The following POU3F1 variants were observed in gnomAD, a reference collection of about 807,000 sequenced individuals.
POU3F1 encodes POU class 3 homeobox 1, also known as POU domain, class 3, transcription factor 1.
Under a neutral mutation model 7.6 loss-of-function variants are expected in POU3F1, and 1 was observed. The observed-to-expected ratio is 0.13, with a 90% confidence interval of 0.05 to 0.62. The LOEUF is 0.62. Ranked by LOEUF, POU3F1 falls within the 20% of genes least tolerant of loss-of-function variation. The probability of loss-of-function intolerance (pLI) is 0.87; values close to 1 mark genes in which losing one functional copy is unlikely to be tolerated. For synonymous variants in POU3F1, 354 were observed against 339.0 expected (o/e 1.04, Z -0.49); for missense variants, 505 against 679.3 (o/e 0.74, Z 2.85).
chr1:38,046,072 G>T lies in POU3F1; in HGVS notation c.672C>A (p.His224Gln). The change falls in exon 1 of 1, where the codon CAC (histidine) becomes CAA (glutamine). Residue 224 changes from histidine (H) to glutamine (Q), a missense_variant. Physicochemically the swap from His to Gln is conservative, Grantham distance 24 (BLOSUM62 0). Around this residue, in one of 5 missense-constraint regions of POU3F1, gnomAD observed 361 missense variants for 382.1 expected, o/e 0.94. Coordinates refer to ENST00000373012, the MANE Select transcript of POU3F1 (RefSeq NM_002699.4). This position sits in a 1 kb window ranked among gnomAD's most constrained non-coding sequence, Gnocchi z 9.5. ...AHGHAHAGGLHAAAAHLHPGA... is the reference protein window; with the variant it reads ...AHGHAHAGGLQAAAAHLHPGA... ...CCGGGTGCAGGTGCGCCGCCGCCGC[G>T]TGCAGGCCGCCCGCGTGTGCATGTC... 2 of 1,457,854 alleles carry T rather than the reference G, an allele frequency of 1.4e-6. No individual in the cohort carries two copies. The highest frequency in any genetic ancestry group is 1.4e-5 in the South Asian group (1 of 70,242). 90.3% of individuals were successfully genotyped at this position (1,457,854 alleles called of 1,614,324 possible).
At position 38,046,338 on chromosome 1, in the gene POU3F1, G is replaced by T; in HGVS notation, c.406C>A (p.His136Asn). The T allele has an allele frequency of 8.2e-7, 1 of 1,220,030 alleles. No individual in the cohort carries two copies. The highest frequency in any genetic ancestry group is 3.3e-4 in the Middle Eastern group (1 of 3,022). The allele number at this position is 1,220,030 out of a possible 1,614,324, so 75.6% of individuals were successfully genotyped here. Residue 136 changes from histidine (H) to asparagine (N), a missense_variant, in exon 1 of 1, where the codon CAC becomes AAC. By Grantham distance (68) the His-to-Asn change is moderately conservative. Transcript: ENST00000373012. This position sits in a 1 kb window ranked among gnomAD's most constrained non-coding sequence, Gnocchi z 9.5. ...AAWAQGSTAH[H>N]LGPAMSPSPG... Reference sequence around the variant, plus strand: ...GAGGGCGACATGGCCGGGCCCAAGTGGTGCGCTGTGCTGCCCTGCGCCCAT... The same window carrying T: ...GAGGGCGACATGGCCGGGCCCAAGTTGTGCGCTGTGCTGCCCTGCGCCCAT...
chr1:38,046,291 G>A lies in POU3F1; in HGVS notation c.453C>T (p.His151=), dbSNP rs756858716. Reference sequence around the variant, plus strand: ...CGTACAGCCCGAGCGGCTGGGGCTGGTGGCCCCCGCTGGCCCCGGGCGAGG... The same window carrying A: ...CGTACAGCCCGAGCGGCTGGGGCTGATGGCCCCCGCTGGCCCCGGGCGAGG... ...MSPSPGASGG[H]QPQPLGLYAQ... The change falls in exon 1 of 1, where the codon CAC becomes CAT. Residue 151 remains histidine (H), a synonymous_variant. Coordinates refer to ENST00000373012, the MANE Select transcript of POU3F1 (RefSeq NM_002699.4). The surrounding 1 kb of genome is among the most constrained non-coding windows in gnomAD (Gnocchi z 9.5). 2 of 1,161,706 alleles carry A rather than the reference G, an allele frequency of 1.7e-6. No individual in the cohort carries two copies. The highest frequency in any genetic ancestry group is 2.1e-6 in the Non-Finnish European group (2 of 943,550). The allele number at this position is 1,161,706 out of a possible 1,614,324, so 72.0% of individuals were successfully genotyped here.
At position 38,045,541 on chromosome 1, in the gene POU3F1, G is replaced by A. The variant is rs1319319423; in HGVS notation, c.1203C>T (p.Ala401=). ...CGTCCATGGGCGGGTGGCCCGCGCC[G>A]GCCGCAGGGGTCATGCGCTTCTCCT... ...RQKEKRMTPA[A]GAGHPPMDDV... Residue 401 remains alanine, a synonymous_variant, in exon 1 of 1, where the codon GCC becomes GCT. Coordinates refer to ENST00000373012, the MANE Select transcript of POU3F1 (RefSeq NM_002699.4). This position sits in a 1 kb window ranked among gnomAD's most constrained non-coding sequence, Gnocchi z 9.4. 6 of 1,599,906 alleles carry A rather than the reference G, an allele frequency of 3.8e-6. No homozygotes were observed. The highest frequency in any genetic ancestry group is 1.3e-5 in the African/African-American group (1 of 74,548).
chr1:38,046,111 G>C lies in POU3F1; in HGVS notation c.633C>G (p.His211Gln). Reference sequence around the variant, plus strand: ...CGTGTGCATGTCCGTGTGCGTGTCCGTGGGCGCCCAGATGCGGCGGCGGCG... The same window carrying C: ...CGTGTGCATGTCCGTGTGCGTGTCCCTGGGCGCCCAGATGCGGCGGCGGCG... ...EPSPPPHLGA[H>Q]GHAHGHAHAG... Residue 211 changes from histidine (H) to glutamine (Q), a missense_variant, in exon 1 of 1, where the codon CAC (histidine) becomes CAG (glutamine). His to Gln is a conservative substitution (Grantham distance 24). Coordinates refer to ENST00000373012, the MANE Select transcript of POU3F1 (RefSeq NM_002699.4). The surrounding 1 kb of genome is among the most constrained non-coding windows in gnomAD (Gnocchi z 9.5). 2 of 1,426,036 alleles carry C rather than the reference G, an allele frequency of 1.4e-6. No individual in the cohort carries two copies. The highest frequency in any genetic ancestry group is 1.4e-5 in the South Asian group (1 of 70,556). 88.3% of individuals were successfully genotyped at this position (1,426,036 alleles called of 1,614,324 possible). A position where few individuals can be genotyped will look rare whatever the true frequency, so the allele number is the denominator to read the frequency against.
chr1:38,046,325 G>A lies in POU3F1; in HGVS notation c.419C>T (p.Ala140Val). The A allele has an allele frequency of 1.7e-6, 2 of 1,208,724 alleles. No individual in the cohort carries two copies. Among genetic ancestry groups the A allele is most frequent in the Non-Finnish European group, 2.1e-6 (2 of 971,100 alleles). 74.9% of individuals were successfully genotyped at this position (1,208,724 alleles called of 1,614,324 possible). ...QGSTAHHLGP[A>V]MSPSPGASGG... ...GCTGGCCCCGGGCGAGGGCGACATG[G>A]CCGGGCCCAAGTGGTGCGCTGTGCT... Residue 140 changes from alanine to valine, a missense_variant, in exon 1 of 1, where the codon GCC (alanine) becomes GTC (valine). By Grantham distance (64) the Ala-to-Val change is moderately conservative. Around this residue, in one of 5 missense-constraint regions of POU3F1, gnomAD observed 361 missense variants for 382.1 expected, o/e 0.94. Transcript: ENST00000373012. The surrounding 1 kb of genome is among the most constrained non-coding windows in gnomAD (Gnocchi z 9.5).
rs745320145 is a variant in POU3F1, at chr1:38,044,290, C to T, written c.*1098G>A. 1.3e-5 allele frequency among the ~76,000 whole-genome samples: 2 copies of T among 152,296 alleles called. No individual in the cohort carries two copies. Among genetic ancestry groups the T allele is most frequent in the Admixed American group, 1.3e-4 (2 of 15,294 alleles). On this transcript the variant is annotated 3_prime_UTR_variant, in exon 1 of 1. Coordinates refer to ENST00000373012, the MANE Select transcript of POU3F1 (RefSeq NM_002699.4). ...CCTCCCCTGGCATCCCGCATCCCGG[C>T]GGGCTGGAAAGGGAGCAGAGGGAAG...
chr1:38,044,393 T>C lies in POU3F1; in HGVS notation c.*995A>G, dbSNP rs538143574. ...GTTAAAAAACAATCTCTCTAACTTTTCCAAGTTTCGTTTGGTGTGGCCAGG... is the reference window on the plus strand; with the variant it reads ...GTTAAAAAACAATCTCTCTAACTTTCCCAAGTTTCGTTTGGTGTGGCCAGG... On this transcript the variant is annotated 3_prime_UTR_variant, in exon 1 of 1. Transcript: ENST00000373012. Among the ~76,000 whole-genome samples, 19 of 152,346 alleles carry C rather than the reference T, an allele frequency of 1.2e-4. No individual in the cohort carries two copies. Among genetic ancestry groups the C allele is most frequent in the Non-Finnish European group, 2.2e-4 (15 of 68,032 alleles).
In POU3F1 at chr1:38,046,559, G is replaced by A; in HGVS notation, c.185C>T (p.Ala62Val). The change falls in exon 1 of 1, where the codon GCG becomes GTG. Residue 62 changes from alanine (A) to valine (V), a missense_variant. Around this residue, in one of 5 missense-constraint regions of POU3F1, gnomAD observed 361 missense variants for 382.1 expected, o/e 0.94. Coordinates refer to ENST00000373012, the MANE Select transcript of POU3F1 (RefSeq NM_002699.4). This position sits in a 1 kb window ranked among gnomAD's most constrained non-coding sequence, Gnocchi z 9.5. ...GTGCGCTAGGCCCACGGGGTGGCCC[G>A]CGCCCGCGCCCAGCCACTCGTGGTG... ...LMHHEWLGAG[A>V]GHPVGLAHPQ... The A allele has an allele frequency of 2.9e-6, 4 of 1,369,818 alleles. No homozygotes were observed. Among genetic ancestry groups the A allele is most frequent in the Admixed American group, 3.0e-5 (1 of 32,998 alleles). The allele number at this position is 1,369,818 out of a possible 1,614,324, so 84.9% of individuals were successfully genotyped here.
At position 38,045,493 on chromosome 1, in the gene POU3F1, T is replaced by C; in HGVS notation, c.1251A>G (p.Leu417=). 6.5e-7 allele frequency: 1 copy of C among 1,542,066 alleles called. No individual in the cohort carries two copies. The highest frequency in any genetic ancestry group is 1.2e-5 in the South Asian group (1 of 82,794). ...PMDDVYAPGE[L]GPGGGGASPP... The stretch of plus-strand genomic sequence containing the variant: ...GCGATGCGCCGCCCCCGCCAGGCCC[T>C]AGCTCCCCAGGCGCGTATACATCGT... Residue 417 remains leucine (L), a synonymous_variant, in exon 1 of 1, where the codon CTA becomes CTG. Transcript: ENST00000373012. The surrounding 1 kb of genome is among the most constrained non-coding windows in gnomAD (Gnocchi z 9.4).
chr1:38,046,193 C>T lies in POU3F1; in HGVS notation c.551G>A (p.Gly184Glu). 8.8e-7 allele frequency: 1 copy of T among 1,132,128 alleles called. No homozygotes were observed. Among genetic ancestry groups the T allele is most frequent in the Non-Finnish European group, 1.1e-6 (1 of 928,430 alleles). 70.1% of individuals were successfully genotyped at this position (1,132,128 alleles called of 1,614,324 possible). ...GTGCAGCGCGTGGTGCAGGCCCGGC[C>T]CCGCGCCGCCACCGCCCGCCGCCAG... ...GMLAAGGGGAGPGLHHALHED... is the reference protein window; with the variant it reads ...GMLAAGGGGAEPGLHHALHED... The change falls in exon 1 of 1, where the codon GGG becomes GAG. Residue 184 changes from glycine to glutamate, a missense_variant. This residue lies in a region of POU3F1 where 361 missense variants were observed against 382.1 expected (regional missense o/e 0.94). Coordinates refer to ENST00000373012, the MANE Select transcript of POU3F1 (RefSeq NM_002699.4). This position sits in a 1 kb window ranked among gnomAD's most constrained non-coding sequence, Gnocchi z 9.5.
Position 38,044,675 on chromosome 1 carries a change from T to C in POU3F1, c.*713A>G, listed in dbSNP as rs773614607. ...AAGGGGAAAAATAAATTAGGCTAGA[T>C]TAAAGCTTTGGCTATTTCCTGCTTT... On this transcript the variant is annotated 3_prime_UTR_variant, in exon 1 of 1. Coordinates refer to ENST00000373012, the MANE Select transcript of POU3F1 (RefSeq NM_002699.4). 1 of 151,532 alleles carries C rather than the reference T, an allele frequency of 6.6e-6. No homozygotes were observed. Among genetic ancestry groups the C allele is most frequent in the Non-Finnish European group, 1.5e-5 (1 of 67,816 alleles). The allele number at this position is 151,532 out of a possible 1,614,324, so 9.4% of individuals were successfully genotyped here. A position where few individuals can be genotyped will look rare whatever the true frequency, so the allele number is the denominator to read the frequency against.
Position 38,045,250 on chromosome 1 carries a change from T to G in POU3F1, c.*138A>C. On this transcript the variant is annotated 3_prime_UTR_variant, in exon 1 of 1. Coordinates refer to ENST00000373012, the MANE Select transcript of POU3F1 (RefSeq NM_002699.4). This position sits in a 1 kb window ranked among gnomAD's most constrained non-coding sequence, Gnocchi z 9.4. ...TCACCGGAGAGGGTCGTCCGGGTGT[T>G]TGGTTTTGTTCGAAAGTTTCTGGGC... is the stretch of plus-strand genomic sequence containing the variant. The G allele has an allele frequency of 3.8e-6, 1 of 260,846 alleles. No individual in the cohort carries two copies. The highest frequency in any genetic ancestry group is 2.3e-5 in the African/African-American group (1 of 43,240). 16.2% of individuals were successfully genotyped at this position (260,846 alleles called of 1,614,324 possible). A position where few individuals can be genotyped will look rare whatever the true frequency, so the allele number is the denominator to read the frequency against.
In POU3F1 at chr1:38,044,297, G is replaced by C. The variant is rs1245555180; in HGVS notation, c.*1091C>G. Among the ~76,000 whole-genome samples, 2 of 152,286 alleles carry C rather than the reference G, an allele frequency of 1.3e-5. No individual in the cohort carries two copies. Among genetic ancestry groups the C allele is most frequent in the Non-Finnish European group, 2.9e-5 (2 of 68,052 alleles). On this transcript the variant is annotated 3_prime_UTR_variant, in exon 1 of 1. Coordinates refer to ENST00000373012, the MANE Select transcript of POU3F1 (RefSeq NM_002699.4). ...TGGCATCCCGCATCCCGGCGGGCTGGAAAGGGAGCAGAGGGAAGCTGCAGG... is the reference window on the plus strand; with the variant it reads ...TGGCATCCCGCATCCCGGCGGGCTGCAAAGGGAGCAGAGGGAAGCTGCAGG...
At position 38,045,351 on chromosome 1, in the gene POU3F1, G is replaced by A. The variant is rs767682114; in HGVS notation, c.*37C>T. The A allele has an allele frequency of 2.9e-6, 3 of 1,020,106 alleles. No individual in the cohort carries two copies. Among genetic ancestry groups the A allele is most frequent in the Non-Finnish European group, 3.6e-6 (3 of 822,480 alleles). 63.2% of individuals were successfully genotyped at this position (1,020,106 alleles called of 1,614,324 possible). A position where few individuals can be genotyped will look rare whatever the true frequency, so the allele number is the denominator to read the frequency against. On this transcript the variant is annotated 3_prime_UTR_variant, in exon 1 of 1. Transcript: ENST00000373012. The surrounding 1 kb of genome is among the most constrained non-coding windows in gnomAD (Gnocchi z 9.4). ...CCGCGCGGGCGGGCTGCGCGCCCGC[G>A]CCCTGCAGCGCGCCGGCGGGGGCCC...
Position 38,046,363 on chromosome 1 carries a change from T to TGCCGCGCCCGCGTGG in POU3F1, c.366_380dup (p.His123_Ala127dup), listed in dbSNP as rs1553170211. The TGCCGCGCCCGCGTGG allele has an allele frequency of 6.3e-5, 76 of 1,213,600 alleles. No individual in the cohort carries two copies. Among genetic ancestry groups the TGCCGCGCCCGCGTGG allele is most frequent in the Non-Finnish European group, 7.7e-5 (76 of 981,210 alleles). 75.2% of individuals were successfully genotyped at this position (1,213,600 alleles called of 1,614,324 possible). Reference sequence around the variant, plus strand: ...GGTGCGCTGTGCTGCCCTGCGCCCATGCCGCGCCCGCGTGGGCCGCCCCCT... The same window carrying TGCCGCGCCCGCGTGG: ...GGTGCGCTGTGCTGCCCTGCGCCCATGCCGCGCCCGCGTGGGCCGCGCCCGCGTGGGCCGCCCCCT... On this transcript the variant is annotated inframe_insertion, in exon 1 of 1. Transcript: ENST00000373012. The surrounding 1 kb of genome is among the most constrained non-coding windows in gnomAD (Gnocchi z 9.5).
Position 38,046,624 on chromosome 1 carries a change from C to T in POU3F1, c.120G>A (p.Leu40=). 7.4e-7 allele frequency: 1 copy of T among 1,353,266 alleles called. No individual in the cohort carries two copies. Among genetic ancestry groups the T allele is most frequent in the Non-Finnish European group, 9.6e-7 (1 of 1,046,786 alleles). The allele number at this position is 1,353,266 out of a possible 1,614,324, so 83.8% of individuals were successfully genotyped here. ...AAAAAAAAER[L]HAGAAYREVQ... Reference sequence around the variant, plus strand: ...CTTCGCGGTACGCGGCCCCTGCATGCAATCGCTCCGCGGCCGCCGCCGCCG... The same window carrying T: ...CTTCGCGGTACGCGGCCCCTGCATGTAATCGCTCCGCGGCCGCCGCCGCCG... Residue 40 remains leucine (L), a synonymous_variant, in exon 1 of 1, where the codon TTG becomes TTA. Coordinates refer to ENST00000373012, the MANE Select transcript of POU3F1 (RefSeq NM_002699.4). The surrounding 1 kb of genome is among the most constrained non-coding windows in gnomAD (Gnocchi z 9.5).
chr1:38,046,775 G>C lies in POU3F1; in HGVS notation c.-32C>G. On this transcript the variant is annotated 5_prime_UTR_variant, in exon 1 of 1. Coordinates refer to ENST00000373012, the MANE Select transcript of POU3F1 (RefSeq NM_002699.4). This position sits in a 1 kb window ranked among gnomAD's most constrained non-coding sequence, Gnocchi z 9.5. The stretch of plus-strand genomic sequence containing the variant: ...CCGCGCCCTGCGCCGCGCCGCCGCC[G>C]CCGCTCCGCTCCGTCTGCGGGCCCC... The C allele has an allele frequency of 1.0e-6, 1 of 985,064 alleles. No individual in the cohort carries two copies. The allele number at this position is 985,064 out of a possible 1,614,324, so 61.0% of individuals were successfully genotyped here.
At position 38,046,655 on chromosome 1, in the gene POU3F1, G is replaced by A. The variant is rs1194290165; in HGVS notation, c.89C>T (p.Ala30Val). Residue 30 changes from alanine (A) to valine (V), a missense_variant, in exon 1 of 1, where the codon GCG (alanine) becomes GTG (valine). Transcript: ENST00000373012. The surrounding 1 kb of genome is among the most constrained non-coding windows in gnomAD (Gnocchi z 9.5). ...CTCCGCGGCCGCCGCCGCCGCCGCC[G>A]CCGCCGCGGCGTCCGGGTGCATAAG... The part of the protein sequence containing the change: ...GPLMHPDAAA[A>V]AAAAAAAERL... 10 of 1,298,582 alleles carry A rather than the reference G, an allele frequency of 7.7e-6. No homozygotes were observed. The highest frequency in any genetic ancestry group is 3.5e-5 in the Admixed American group (1 of 28,672). The allele number at this position is 1,298,582 out of a possible 1,614,324, so 80.4% of individuals were successfully genotyped here. A position where few individuals can be genotyped will look rare whatever the true frequency, so the allele number is the denominator to read the frequency against.
rs573331090 is a variant in POU3F1 at position 38,045,814 on chromosome 1, C to T, written c.930G>A (p.Lys310=). The T allele has an allele frequency of 6.2e-7, 1 of 1,614,050 alleles. No individual in the cohort carries two copies. Among genetic ancestry groups the T allele is most frequent in the Non-Finnish European group, 8.5e-7 (1 of 1,179,994 alleles). ...QLSFKNMCKL[K]PLLNKWLEET... is the part of the protein sequence containing the mutation. ...CCTCCAGCCACTTGTTGAGCAGCGG[C>T]TTGAGCTTGCACATGTTCTTGAAGC... is the stretch of plus-strand genomic sequence containing the variant. The change falls in exon 1 of 1, where the codon AAG becomes AAA. Residue 310 remains lysine, a synonymous_variant. Transcript: ENST00000373012. This position sits in a 1 kb window ranked among gnomAD's most constrained non-coding sequence, Gnocchi z 9.4.
Sources: allele counts gnomAD v4.1 joint callset (sites outside exome capture counted in the v4.1 genomes callset), GRCh38; gene constraint gnomAD v4.1.1; regional missense constraint gnomAD v4.1.1; non-coding constraint Gnocchi (gnomAD v3.1); transcripts MANE v1.5; gene names NCBI Gene and HGNC (gene_info 2026-07-23, HGNC 2026-07-21).